The following IGF2R variants were observed in gnomAD, a reference collection of about 807,000 sequenced individuals.
IGF2R encodes the protein cation-independent mannose-6-phosphate receptor.
IGF2R carries 91 observed loss-of-function variants against 270.6 expected under a neutral mutation model. That is an observed-to-expected ratio of 0.34 (90% CI 0.28 to 0.40). IGF2R has a LOEUF of 0.40. Ranked by LOEUF, IGF2R falls within the 10% of genes least tolerant of loss-of-function variation. IGF2R has a pLI of 1.00. For missense variants in IGF2R, 2,805 were observed against 3,188.3 expected, an observed-to-expected ratio of 0.88 and a Z score of 2.90; for synonymous variants, 1,316 against 1,258.9, an observed-to-expected ratio of 1.05 and a Z score of -0.96.
intron 30 of IGF2R, 43 bp from the exon 31 acceptor site, chr6:160,069,825 G>A: frequency 1.9e-6 from 3 of 1,583,902 alleles, no homozygotes; most frequent in Non-Finnish European, 1.7e-6. Context: ...TTCTAGCCTG[G>A]GGAGTCACTA....
intron 31 of IGF2R, among the ~76,000 whole-genome samples, chr6:160,070,909 A>ATTCTGGG (rs1477527577): frequency 3.9e-5 from 6 of 152,212 alleles, no homozygotes; most frequent in African/African-American, 1.4e-4. Context: ...GGCTTAGTCC[A>ATTCTGGG]GACTCATGAG....
In IGF2R at chr6:160,004,572, A is replaced by G. The variant is rs3798192; in HGVS notation, c.290-4438A>G. On this transcript the variant is annotated intron_variant, in intron 2 of 47. Transcript: ENST00000356956. The surrounding 1 kb of genome is among the most constrained non-coding windows in gnomAD (Gnocchi z 5.2). ...TTTTCCGGGTGGGTCTAGTGAGTGT[A>G]GCTTGGAGTGCTGGGTGGTGTGGCC... is the stretch of plus-strand genomic sequence containing the variant. 31,912 of 153,892 alleles carry G rather than the reference A, an allele frequency of 0.21. 4,029 individuals are homozygous for G. The highest frequency in any genetic ancestry group is 0.57 in the East Asian group (2,963 of 5,188). 9.5% of individuals were successfully genotyped at this position (153,892 alleles called of 1,614,324 possible). A position where few individuals can be genotyped will look rare whatever the true frequency, so the allele number is the denominator to read the frequency against.
Position 160,103,732 on chromosome 6 carries a change from CT to C in IGF2R, c.6996-5del, listed in dbSNP as rs757960572. ...TCTACACTGGAGTAATTATTGTCTC[CT>C]TTTTTTTTATAGGGAAACAGTGATA... On this transcript the variant is annotated splice_polypyrimidine_tract_variant and intron_variant, in intron 46 of 47. Coordinates refer to ENST00000356956, the MANE Select transcript of IGF2R (RefSeq NM_000876.4). 273 of 1,548,794 alleles carry C rather than the reference CT, an allele frequency of 1.8e-4. No homozygotes were observed. The highest frequency in any genetic ancestry group is 2.1e-4 in the Non-Finnish European group (242 of 1,126,944).
At chr6:159,996,059 G>T (rs1439449076) in intron 2 of IGF2R, among the ~76,000 whole-genome samples, 1 of 151,594 alleles carries the variant, frequency 6.6e-6, no homozygotes, top group Non-Finnish European at 1.5e-5. Context: ...TTTGACTTCA[G>T]TTCTGGGTAC....
chr6:159,969,082 G>C lies in IGF2R; in HGVS notation c.-165G>C, dbSNP rs1236630572. On this transcript the variant is annotated 5_prime_UTR_variant, in exon 1 of 48. Transcript: ENST00000356956. ...GTGACGCGGTTCCGGGGCCGCCGCT[G>C]CCGCTGTCGCTGTCGCCGAGCCCAG... 2 of 234,314 alleles carry C rather than the reference G, an allele frequency of 8.5e-6. No homozygotes were observed. Among genetic ancestry groups the C allele is most frequent in the Non-Finnish European group, 1.4e-5 (2 of 143,950 alleles). 14.5% of individuals were successfully genotyped at this position (234,314 alleles called of 1,614,324 possible).
intron 1 of IGF2R, among the ~76,000 whole-genome samples, chr6:159,980,166 G>C (rs1298808676): frequency 2.3e-5 from 3 of 130,050 alleles, no homozygotes; most frequent in South Asian, 2.4e-4. Flanking sequence ...GGGCAACACA[G>C]TGAGACTCCG....
chr6:160,067,274 G>C (rs1177430421), intron 29 of IGF2R, among the ~76,000 whole-genome samples: 2 of 152,046 alleles, frequency 1.3e-5, no homozygotes, highest in East Asian at 3.9e-4. Flanking sequence ...AGGATGGTCA[G>C]TGATTCCATT....
intron 11 of IGF2R, among the ~76,000 whole-genome samples, chr6:160,042,321 C>T (rs1196942268): frequency 6.6e-6 from 1 of 152,158 alleles, no homozygotes; most frequent in Non-Finnish European, 1.5e-5. Context: ...AGTACTTCTC[C>T]AAATGTACTG....
At chr6:159,988,191 C>T (rs1783918262) in intron 1 of IGF2R, among the ~76,000 whole-genome samples, 1 of 152,022 alleles carries the variant, frequency 6.6e-6, no homozygotes, top group South Asian at 2.1e-4. Context: ...TTTAGATATC[C>T]CCTTTGCAAG....
At chr6:160,082,501 G>A (rs1484576314) in intron 39 of IGF2R, among the ~76,000 whole-genome samples, 3 of 152,028 alleles carry the variant, frequency 2.0e-5, no homozygotes. Context: ...TGGTAGAGAT[G>A]GGATTTCACC....
rs147410503 is a variant in IGF2R at position 159,984,985 on chromosome 6, G to A, written c.150-6199G>A. On this transcript the variant is annotated intron_variant, in intron 1 of 47. Coordinates refer to ENST00000356956, the MANE Select transcript of IGF2R (RefSeq NM_000876.4). ...TGTATGTAAAGGAAAAACCATATCC[G>A]AAACCGTATTCCTGGTTCCAGGCCT... Among the ~76,000 whole-genome samples, 259 of 152,206 alleles carry A rather than the reference G, an allele frequency of 1.7e-3. 3 individuals carry two copies. Among genetic ancestry groups the A allele is most frequent in the East Asian group, 0.012 (60 of 5,190 alleles).
intron 27 of IGF2R, 98 bp downstream of exon 27, chr6:160,063,728 G>T: frequency 1.2e-6 from 1 of 833,672 alleles, no homozygotes; most frequent in Non-Finnish European, 1.9e-6. Flanking sequence ...TCAGAAACAT[G>T]AGTGTTCTAC....
intron 2 of IGF2R, among the ~76,000 whole-genome samples, chr6:159,994,864 A>G (rs1264043507): frequency 6.6e-6 from 1 of 152,170 alleles, no homozygotes; most frequent in South Asian, 2.1e-4. Context: ...GGCCTAACAT[A>G]TGGTCTACCC....
intron 4 of IGF2R, among the ~76,000 whole-genome samples, chr6:160,015,004 C>A (rs1337554709): frequency 1.3e-5 from 2 of 152,186 alleles, no homozygotes; most frequent in African/African-American, 4.8e-5. Flanking sequence ...AAAATGAGTT[C>A]AAGTGCCTTT....
At chr6:159,987,523 C>A (rs1444567283) in intron 1 of IGF2R, among the ~76,000 whole-genome samples, 1 of 152,198 alleles carries the variant, frequency 6.6e-6, no homozygotes, top group Non-Finnish European at 1.5e-5. Flanking sequence ...TCCCTAGTAG[C>A]TGGGACTATA....
chr6:160,084,910 T>G lies in IGF2R; in HGVS notation c.6069-85T>G. ...GCCCTTAGTTATCAGAACCTTTCTC[T>G]GAAAGTAAAGTGAAGAGCCCTCCTG... On this transcript the variant is annotated intron_variant, in intron 40 of 47. Coordinates refer to ENST00000356956, the MANE Select transcript of IGF2R (RefSeq NM_000876.4). This position sits in a 1 kb window ranked among gnomAD's most constrained non-coding sequence, Gnocchi z 4.6. 7.5e-7 allele frequency: 1 copy of G among 1,338,662 alleles called. No individual in the cohort carries two copies. The highest frequency in any genetic ancestry group is 2.1e-5 in the Admixed American group (1 of 47,000). 82.9% of individuals were successfully genotyped at this position (1,338,662 alleles called of 1,614,324 possible).
intron 39 of IGF2R, among the ~76,000 whole-genome samples, chr6:160,081,457 G>A (rs1282249283): frequency 6.6e-6 from 1 of 152,182 alleles, no homozygotes; most frequent in East Asian, 1.9e-4. Flanking sequence ...GGTCAGGGCA[G>A]GATCACAAGG....
chr6:160,089,479 C>T lies in IGF2R; in HGVS notation c.6467+226C>T, dbSNP rs763499610. 8.5e-5 allele frequency among the ~76,000 whole-genome samples: 13 copies of T among 152,346 alleles called. No individual in the cohort carries two copies. In the South Asian group the frequency reaches 1.0e-3, roughly 12 times the overall value. ...CTCATGAGTGTAAAAATAAATCCCC[C>T]GTCCTTCTCCCTCTCTTCATGATAA... On this transcript the variant is annotated intron_variant, in intron 43 of 47. Transcript: ENST00000356956.
Position 160,050,657 on chromosome 6 carries a change from G to A in IGF2R, c.2694+5G>A. The A allele has an allele frequency of 6.3e-7, 1 of 1,594,264 alleles. No homozygotes were observed. Among genetic ancestry groups the A allele is most frequent in the Non-Finnish European group, 8.6e-7 (1 of 1,165,238 alleles). On this transcript the variant is annotated splice_donor_5th_base_variant and intron_variant, in intron 19 of 47. Transcript: ENST00000356956. This position sits in a 1 kb window ranked among gnomAD's most constrained non-coding sequence, Gnocchi z 4.0. Reference sequence around the variant, plus strand: ...GTCTGCTCCAGGGGCAGGCTGGTAAGGCACTGCTGCTGGCTGGTGACCTTC... The same window carrying A: ...GTCTGCTCCAGGGGCAGGCTGGTAAAGCACTGCTGCTGGCTGGTGACCTTC...
Sources: allele counts gnomAD v4.1 joint callset (sites outside exome capture counted in the v4.1 genomes callset), GRCh38; gene constraint gnomAD v4.1.1; non-coding constraint Gnocchi (gnomAD v3.1); transcripts MANE v1.5; gene names NCBI Gene and HGNC (gene_info 2026-07-23, HGNC 2026-07-21).